The following METTL13 variants were observed in gnomAD, a reference collection of about 807,000 sequenced individuals.
The protein encoded by METTL13 is methyltransferase 13, eEF1A N-terminus and K55.
A neutral mutation model predicts 67.4 loss-of-function variants in METTL13; 52 were observed. The observed-to-expected ratio is 0.77, with a 90% CI of 0.62 to 0.97. The LOEUF is 0.97. METTL13 is among the 50% of genes least tolerant of loss of function. The probability of loss-of-function intolerance (pLI) is 0.00; values close to 1 mark genes in which losing one functional copy is unlikely to be tolerated. For missense variants in METTL13, 825 were observed against 889.6 expected, an observed-to-expected ratio of 0.93 and a Z score of 0.92; for synonymous variants, 354 against 353.6, an observed-to-expected ratio of 1.00 and a Z score of -0.01.
intron 1 of METTL13, among the ~76,000 whole-genome samples, chr1:171,782,566 T>TAA (rs368088789): frequency 0.29 from 42,934 of 147,226 alleles, 6,233 homozygotes; most frequent in East Asian, 0.52. Flanking sequence ...AGACCCTGTC[T>TAA]AAAAAAAAAA....
chr1:171,794,048 C>T (rs915401731), intron 6 of METTL13, among the ~76,000 whole-genome samples: 2 of 152,212 alleles, frequency 1.3e-5, no homozygotes, highest in African/African-American at 4.8e-5. Context: ...TTAGAAGCTT[C>T]CCAAGGTGAT....
chr1:171,781,846 T>G lies in METTL13; in HGVS notation c.-122T>G, dbSNP rs1571161375. 16 of 1,515,028 alleles carry G rather than the reference T, an allele frequency of 1.1e-5. No homozygotes were observed. The highest frequency in any genetic ancestry group is 8.8e-7 in the Non-Finnish European group (1 of 1,132,842). The allele number at this position is 1,515,028 out of a possible 1,614,324, so 93.8% of individuals were successfully genotyped here. On this transcript the variant is annotated 5_prime_UTR_variant, in exon 1 of 8. Transcript: ENST00000361735. Reference sequence around the variant, plus strand: ...GTGGGGGAACAAATCAATGTGGCTGTTTTTCCGTGGAAAGAATTCCCACTG... The same window carrying G: ...GTGGGGGAACAAATCAATGTGGCTGGTTTTCCGTGGAAAGAATTCCCACTG...
chr1:171,785,027 A>C (rs1210056088), intron 2 of METTL13, among the ~76,000 whole-genome samples: 1 of 152,226 alleles, frequency 6.6e-6, no homozygotes, highest in Non-Finnish European at 1.5e-5. Flanking sequence ...GTTTTGGCTC[A>C]GTCATTTCCT....
chr1:171,784,035 T>G lies in METTL13; in HGVS notation c.449T>G (p.Leu150Arg), dbSNP rs1300933607. ...ATGCTGGCTGAGGTTGGCCGTGTCC[T>G]GCAGGTGGGCGGTCGCTATCTCTGC... ...DRMLAEVGRV[L>R]QVGGRYLCIS... Residue 150 changes from leucine to arginine, a missense_variant, in exon 2 of 8, where the codon CTG (leucine) becomes CGG (arginine). Leu to Arg is a moderately radical substitution (Grantham distance 102). Transcript: ENST00000361735. 32 of 1,614,100 alleles carry G rather than the reference T, an allele frequency of 2.0e-5. No individual in the cohort carries two copies. The highest frequency in any genetic ancestry group is 2.7e-5 in the Non-Finnish European group (32 of 1,180,046).
Position 171,796,230 on chromosome 1 carries a change from A to G in METTL13, c.1826-252A>G, listed in dbSNP as rs528257693. 3.9e-5 allele frequency among the ~76,000 whole-genome samples: 6 copies of G among 152,298 alleles called. No individual in the cohort carries two copies. In the South Asian group the frequency reaches 6.2e-4, roughly 16 times the overall value. ...TATTTGGGAAACTGAGGCTTGGAGA[A>G]TGGTAAAATAACATGTGAGCAGCAC... On this transcript the variant is annotated intron_variant, in intron 7 of 7. Coordinates refer to ENST00000361735, the MANE Select transcript of METTL13 (RefSeq NM_015935.5).
At chr1:171,783,353 C>T (rs1437887365) in intron 1 of METTL13, among the ~76,000 whole-genome samples, 2 of 152,184 alleles carry the variant, frequency 1.3e-5, no homozygotes, top group African/African-American at 4.8e-5. Context: ...GAGCCAAAGG[C>T]ATGAGTAGAG....
intron 5 of METTL13, 121 bp from the exon 6 acceptor site, chr1:171,791,890 AGACCTC>A (rs771692378): frequency 6.7e-5 from 57 of 847,420 alleles, no homozygotes; most frequent in Non-Finnish European, 1.0e-4. Flanking sequence ...TGAGACAGGG[AGACCTC>A]TAAATCTTGT....
In METTL13 at chr1:171,784,387, T is replaced by A; in HGVS notation, c.801T>A (p.Ser267Arg). The A allele has an allele frequency of 6.4e-7, 1 of 1,567,268 alleles. No individual in the cohort carries two copies. The highest frequency in any genetic ancestry group is 8.6e-7 in the Non-Finnish European group (1 of 1,156,590). Residue 267 changes from serine to arginine, a missense_variant, in exon 2 of 8, where the codon AGT (serine) becomes AGA (arginine). By Grantham distance (110) the Ser-to-Arg change is moderately radical. Transcript: ENST00000361735. Reference protein sequence around the residue: ...SQLRRKARLGSVSLDLCDGDT... With the variant: ...SQLRRKARLGRVSLDLCDGDT... ...TGCGCCGCAAGGCCAGGCTGGGGAGTGTGTCTCTGGACTTGTGCGATGGGG... is the reference window on the plus strand; with the variant it reads ...TGCGCCGCAAGGCCAGGCTGGGGAGAGTGTCTCTGGACTTGTGCGATGGGG...
chr1:171,793,257 C>T (rs1052096347), intron 6 of METTL13, among the ~76,000 whole-genome samples: 7 of 152,236 alleles, frequency 4.6e-5, no homozygotes, highest in Non-Finnish European at 1.0e-4. Context: ...GTAACAGTTT[C>T]GTAGGTTCCC....
Position 171,797,018 on chromosome 1 carries a change from T to G in METTL13, c.*262T>G. The G allele has an allele frequency of 2.2e-6, 1 of 461,566 alleles. No individual in the cohort carries two copies. Among genetic ancestry groups the G allele is most frequent in the Non-Finnish European group, 4.0e-6 (1 of 251,218 alleles). The allele number at this position is 461,566 out of a possible 1,614,324, so 28.6% of individuals were successfully genotyped here. On this transcript the variant is annotated 3_prime_UTR_variant, in exon 8 of 8. Coordinates refer to ENST00000361735, the MANE Select transcript of METTL13 (RefSeq NM_015935.5). ...CACGTCCTTGAGTGGAGTTCCCTGC[T>G]GAAGCCCCTAGCACACACTGCATGC... is the stretch of plus-strand genomic sequence containing the variant.
chr1:171,792,944 C>G (rs1657254869), intron 6 of METTL13, among the ~76,000 whole-genome samples: 1 of 152,140 alleles, frequency 6.6e-6, no homozygotes, highest in South Asian at 2.1e-4. Context: ...TAATTTGCAT[C>G]CCAGATTTAG....
rs563829048 is a variant in METTL13 at position 171,784,211 on chromosome 1, A to G, written c.625A>G (p.Met209Val). The stretch of plus-strand genomic sequence containing the variant: ...CTCCTTGCCTGTCTTTGCCTTCATC[A>G]TGACCAAGTTCAGGCCAGTCCCTGG... ...QFSLPVFAFIMTKFRPVPGSA... is the reference protein window; with the variant it reads ...QFSLPVFAFIVTKFRPVPGSA... Residue 209 changes from methionine (M) to valine (V), a missense_variant, in exon 2 of 8, where the codon ATG (methionine) becomes GTG (valine). Met to Val is a conservative substitution (Grantham distance 21, BLOSUM62 1). Coordinates refer to ENST00000361735, the MANE Select transcript of METTL13 (RefSeq NM_015935.5). The G allele has an allele frequency of 3.1e-6, 5 of 1,614,108 alleles. No individual in the cohort carries two copies. Among genetic ancestry groups the G allele is most frequent in the Non-Finnish European group, 4.2e-6 (5 of 1,180,030 alleles).
chr1:171,790,207 C>T (rs1657157744), intron 4 of METTL13, among the ~76,000 whole-genome samples: 1 of 152,184 alleles, frequency 6.6e-6, no homozygotes, highest in Non-Finnish European at 1.5e-5. Flanking sequence ...GGGATCTGCC[C>T]CCGTGACCAG....
In METTL13 at chr1:171,786,068, C is replaced by T; in HGVS notation, c.1103C>T (p.Thr368Ile). 6.2e-7 allele frequency: 1 copy of T among 1,612,604 alleles called. No individual in the cohort carries two copies. The highest frequency in any genetic ancestry group is 8.5e-7 in the Non-Finnish European group (1 of 1,179,238). ...VMELAPAGMP[T>I]QQQVPFLSVG... is the part of the protein sequence containing the mutation. ...GAGCTGGCCCCAGCTGGGATGCCCACCCAGCAGCAGGTAACAAAGCTTTCG... is the reference window on the plus strand; with the variant it reads ...GAGCTGGCCCCAGCTGGGATGCCCATCCAGCAGCAGGTAACAAAGCTTTCG... Residue 368 changes from threonine to isoleucine, a missense_variant, in exon 3 of 8, where the codon ACC (threonine) becomes ATC (isoleucine). Thr to Ile is a moderately conservative substitution (Grantham distance 89). Coordinates refer to ENST00000361735, the MANE Select transcript of METTL13 (RefSeq NM_015935.5).
In METTL13 at chr1:171,784,304, G is replaced by T. The variant is rs760332211; in HGVS notation, c.718G>T (p.Glu240Ter). 3 of 1,608,612 alleles carry T rather than the reference G, an allele frequency of 1.9e-6. No homozygotes were observed. Among genetic ancestry groups the T allele is most frequent in the Non-Finnish European group, 2.5e-6 (3 of 1,176,582 alleles). The change falls in exon 2 of 8, where the codon GAG (glutamate) becomes TAG (stop). Residue 240 changes from glutamate (E) to a stop codon, truncating the protein, a stop_gained. Coordinates refer to ENST00000361735, the MANE Select transcript of METTL13 (RefSeq NM_015935.5). LOFTEE classifies it high-confidence loss of function. ...QRKPVRLESA[E>*]RLAEAVQERQ... ...CAAGCCTGTGCGGCTGGAGAGTGCC[G>T]AGCGGCTGGCCGAGGCGGTGCAGGA...
chr1:171,791,357 C>T (rs865792140), intron 5 of METTL13, among the ~76,000 whole-genome samples: 17 of 152,168 alleles, frequency 1.1e-4, no homozygotes, highest in African/African-American at 3.9e-4. Flanking sequence ...TCTGAGAAGA[C>T]GGTGTGGCCT....
rs528137675 is a variant in METTL13, at chr1:171,797,042, G to A, written c.*286G>A. On this transcript the variant is annotated 3_prime_UTR_variant, in exon 8 of 8. Transcript: ENST00000361735. ...CTGAAGCCCCTAGCACACACTGCAT[G>A]CCTTAACAAGTGTGTGCAAGCCCCT... 7.9e-5 allele frequency: 31 copies of A among 394,120 alleles called. No homozygotes were observed. The highest frequency in any genetic ancestry group is 7.5e-4 in the Middle Eastern group (1 of 1,332). 24.4% of individuals were successfully genotyped at this position (394,120 alleles called of 1,614,324 possible).
At chr1:171,790,013 C>T (rs1000807051) in intron 4 of METTL13, among the ~76,000 whole-genome samples, 23 of 152,194 alleles carry the variant, frequency 1.5e-4, no homozygotes, top group African/African-American at 5.5e-4. Context: ...GTACAAGAAG[C>T]ATGGTACCAA....
rs1338295886 is a variant in METTL13, at chr1:171,796,652, C to G, written c.1996C>G (p.Leu666Val). ...PEQKLATPEL[L>V]ETAQALERTL... ...GCAAAAACTTGCCACACCAGAGCTC[C>G]TAGAAACAGCCCAGGCTTTGGAGCG... is the stretch of plus-strand genomic sequence containing the variant. The change falls in exon 8 of 8, where the codon CTA becomes GTA. Residue 666 changes from leucine (L) to valine (V), a missense_variant. Transcript: ENST00000361735. 1 of 1,614,176 alleles carries G rather than the reference C, an allele frequency of 6.2e-7. No homozygotes were observed. Among genetic ancestry groups the G allele is most frequent in the Non-Finnish European group, 8.5e-7 (1 of 1,180,020 alleles).
Sources: allele counts gnomAD v4.1 joint callset (sites outside exome capture counted in the v4.1 genomes callset), GRCh38; gene constraint gnomAD v4.1.1; transcripts MANE v1.5; gene names NCBI Gene and HGNC (gene_info 2026-07-23, HGNC 2026-07-21).